MYNN: variants seen among roughly 807,000 people sequenced by gnomAD.
MYNN encodes myoneurin.
MYNN carries 22 observed loss-of-function variants against 57.2 expected under a neutral mutation model. That is an observed-to-expected ratio of 0.38 (90% confidence interval 0.27 to 0.55). The LOEUF is 0.55. MYNN is among the 20% of genes least tolerant of loss of function. The pLI, the probability that MYNN is intolerant of heterozygous loss-of-function variation, is 0.71. For synonymous variants in MYNN, 241 were observed against 257.1 expected (o/e 0.94, Z 0.60); for missense variants, 566 against 723.1 (o/e 0.78, Z 2.49).
At chr3:169,773,542 T>C (rs948941335) in intron 1 of MYNN, 80 bp downstream of exon 1, 1 of 152,664 alleles carries the variant, frequency 6.6e-6, no homozygotes, top group East Asian at 1.9e-4. Context: ...TCCTTGGAGT[T>C]CCAGCACGGG....
chr3:169,786,729 T>G lies in MYNN; in HGVS notation c.*51T>G. The stretch of plus-strand genomic sequence containing the variant: ...AGATATCATTGGTAGCAAACATCTC[T>G]GGTAAGGTGCATATATTCATATTAA... On this transcript the variant is annotated 3_prime_UTR_variant, in exon 8 of 8. Coordinates refer to ENST00000349841, the MANE Select transcript of MYNN (RefSeq NM_018657.5). 1.1e-5 allele frequency: 17 copies of G among 1,542,526 alleles called. No homozygotes were observed. The highest frequency in any genetic ancestry group is 1.4e-5 in the Non-Finnish European group (16 of 1,124,248).
Position 169,789,340 on chromosome 3 carries a change from G to T in MYNN, c.*2662G>T, listed in dbSNP as rs1778759934. On this transcript the variant is annotated 3_prime_UTR_variant, in exon 8 of 8. Coordinates refer to ENST00000349841, the MANE Select transcript of MYNN (RefSeq NM_018657.5). ...TGTGAGTAGTTGAAATAATGTACAT[G>T]TACTAGTTTTTTTAAGTATTCTAAA... The T allele has an allele frequency of 6.6e-6, 1 of 152,096 alleles. No homozygotes were observed. Among genetic ancestry groups the T allele is most frequent in the Non-Finnish European group, 1.5e-5 (1 of 68,000 alleles). The allele number at this position is 152,096 out of a possible 1,614,324, so 9.4% of individuals were successfully genotyped here. A position where few individuals can be genotyped will look rare whatever the true frequency, so the allele number is the denominator to read the frequency against.
chr3:169,780,678 A>G lies in MYNN; in HGVS notation c.1149A>G (p.Glu383=). The change falls in exon 4 of 8, where the codon GAA becomes GAG. Residue 383 remains glutamate, a synonymous_variant. Transcript: ENST00000349841. The stretch of plus-strand genomic sequence containing the variant: ...TCCATAGTCGCATGCATCATGGTGA[A>G]GAAAAACCCTATAAATGTGATGTAT... ...LVFHSRMHHG[E]EKPYKCDVCN... The G allele has an allele frequency of 1.2e-6, 2 of 1,613,114 alleles. No individual in the cohort carries two copies. Among genetic ancestry groups the G allele is most frequent in the Non-Finnish European group, 1.7e-6 (2 of 1,179,716 alleles).
At chr3:169,785,890 C>T (rs766737050) in intron 7 of MYNN, among the ~76,000 whole-genome samples, 1 of 152,004 alleles carries the variant, frequency 6.6e-6, no homozygotes, top group Non-Finnish European at 1.5e-5. Flanking sequence ...GAATTTCTCA[C>T]CTCTGAAAAT....
intron 6 of MYNN, 60 bp from the exon 7 acceptor site, chr3:169,784,562 T>G: frequency 8.8e-7 from 1 of 1,136,552 alleles, no homozygotes; most frequent in Admixed American, 2.4e-5. Context: ...ACATTGATAT[T>G]TTTGTCTTAG....
intron 2 of MYNN, among the ~76,000 whole-genome samples, chr3:169,774,906 T>G (rs1577392280): frequency 1.3e-5 from 2 of 152,258 alleles, no homozygotes; most frequent in Non-Finnish European, 2.9e-5. Flanking sequence ...TGGGGCAATC[T>G]CGGCTCACTG....
Position 169,779,759 on chromosome 3 carries a change from T to G in MYNN, c.1060+198T>G, listed in dbSNP as rs1026079144. On this transcript the variant is annotated intron_variant, in intron 3 of 7. Transcript: ENST00000349841. ...TATTTAATGGCTGTTTAAGCCCTAA[T>G]GCATCAACTCCTTATACCATTTTCC... 5.1e-6 allele frequency: 3 copies of G among 582,836 alleles called. No individual in the cohort carries two copies. The East Asian group carries it at 8.5e-5, about 16-fold the overall frequency. The allele number at this position is 582,836 out of a possible 1,614,324, so 36.1% of individuals were successfully genotyped here.
intron 2 of MYNN, among the ~76,000 whole-genome samples, chr3:169,775,154 A>G (rs955824724): frequency 6.6e-6 from 1 of 152,114 alleles, no homozygotes; most frequent in African/African-American, 2.4e-5. Flanking sequence ...TGTTATCTCT[A>G]TTAACCTACC....
intron 4 of MYNN, among the ~76,000 whole-genome samples, chr3:169,781,715 T>C (rs772045879): frequency 6.6e-6 from 1 of 152,056 alleles, no homozygotes; most frequent in South Asian, 2.1e-4. Flanking sequence ...AATTCTGTGA[T>C]AGGGAGATGA....
At position 169,786,541 on chromosome 3, in the gene MYNN, C is replaced by A. The variant is rs755298260; in HGVS notation, c.1696C>A (p.Leu566Ile). The change falls in exon 8 of 8, where the codon CTT becomes ATT. Residue 566 changes from leucine to isoleucine, a missense_variant. This residue lies in a region of MYNN where 156 missense variants were observed against 163.9 expected (regional missense o/e 0.95). Transcript: ENST00000349841. ...TTCTGATATGACTTTACCATTAGCTCTTCCACTTGGGACTGAGGACCATCA... is the reference window on the plus strand; with the variant it reads ...TTCTGATATGACTTTACCATTAGCTATTCCACTTGGGACTGAGGACCATCA... ...KPSDMTLPLA[L>I]PLGTEDHHML... is the part of the protein sequence containing the mutation. The A allele has an allele frequency of 5.6e-6, 9 of 1,613,602 alleles. No homozygotes were observed. In the African/African-American group the frequency reaches 1.2e-4, roughly 22 times the overall value.
At chr3:169,777,670 A>G (rs1778388601) in intron 2 of MYNN, 1 of 152,214 alleles carries the variant, frequency 6.6e-6, no homozygotes, top group South Asian at 2.1e-4. Flanking sequence ...CTTTCACCAC[A>G]TTGTGAACTT....
At position 169,782,831 on chromosome 3, in the gene MYNN, C is replaced by T. The variant is rs1472511781; in HGVS notation, c.1399+188C>T. On this transcript the variant is annotated intron_variant, in intron 5 of 7. Coordinates refer to ENST00000349841, the MANE Select transcript of MYNN (RefSeq NM_018657.5). The surrounding 1 kb of genome is among the most constrained non-coding windows in gnomAD (Gnocchi z 4.8). ...AGCTGACTTATTTTCTAGAATAATA[C>T]AAGGTGGGTGAAATAAATTATATAA... Among the ~76,000 whole-genome samples the T allele has an allele frequency of 6.6e-6, 1 of 152,104 alleles. No individual in the cohort carries two copies. Among genetic ancestry groups the T allele is most frequent in the Non-Finnish European group, 1.5e-5 (1 of 68,000 alleles).
chr3:169,788,702 T>C lies in MYNN; in HGVS notation c.*2024T>C, dbSNP rs948797764. 2 of 152,112 alleles carry C rather than the reference T, an allele frequency of 1.3e-5. No homozygotes were observed. The highest frequency in any genetic ancestry group is 2.9e-5 in the Non-Finnish European group (2 of 67,996). 9.4% of individuals were successfully genotyped at this position (152,112 alleles called of 1,614,324 possible). A position where few individuals can be genotyped will look rare whatever the true frequency, so the allele number is the denominator to read the frequency against. On this transcript the variant is annotated 3_prime_UTR_variant, in exon 8 of 8. Coordinates refer to ENST00000349841, the MANE Select transcript of MYNN (RefSeq NM_018657.5). ...TTTGATACGATTGAAGTGGCTAAGA[T>C]TGATTGAGCTTTTCTTGATCACATT...
Position 169,786,431 on chromosome 3 carries a change from T to C in MYNN, c.1586T>C (p.Leu529Pro), listed in dbSNP as rs201069814. 3.1e-6 allele frequency: 5 copies of C among 1,612,324 alleles called. No homozygotes were observed. Among genetic ancestry groups the C allele is most frequent in the Admixed American group, 1.7e-5 (1 of 59,898 alleles). ...TCCATTCTAGGTGCAGATAAAACTC[T>C]AGACTCCAGTGCAGAGGATCATACT... Reference protein sequence around the residue: ...TKVHSGADKTLDSSAEDHTLS... With the variant: ...TKVHSGADKTPDSSAEDHTLS... The change falls in exon 8 of 8, where the codon CTA becomes CCA. Residue 529 changes from leucine to proline, a missense_variant. Transcript: ENST00000349841.
intron 3 of MYNN, 78 bp from the exon 4 acceptor site, chr3:169,780,512 A>C: frequency 1.0e-6 from 1 of 1,001,592 alleles, no homozygotes; most frequent in South Asian, 1.8e-5. Flanking sequence ...CAAAGCTAGT[A>C]CTGTTGATGA....
At chr3:169,776,018 A>G (rs547657087) in intron 2 of MYNN, among the ~76,000 whole-genome samples, 1 of 152,188 alleles carries the variant, frequency 6.6e-6, no homozygotes. Context: ...TGAAATCTTC[A>G]AGTGAGTTCT....
rs1778267211 is a variant in MYNN, at chr3:169,774,471, A to T, written c.176A>T (p.Asn59Ile). Residue 59 changes from asparagine (N) to isoleucine (I), a missense_variant, in exon 2 of 8, where the codon AAC becomes ATC. Asn to Ile is a moderately radical substitution (Grantham distance 149). Transcript: ENST00000349841. ...FGAIYRSTSE[N>I]NVFLDQSQVK... ...GCGATCTACAGAAGCACTTCTGAGA[A>T]CAATGTCTTTCTTGATCAGAGTCAG... is the stretch of plus-strand genomic sequence containing the variant. 1 of 1,613,974 alleles carries T rather than the reference A, an allele frequency of 6.2e-7. No individual in the cohort carries two copies.
chr3:169,783,369 A>G (rs1175523051), intron 5 of MYNN, 108 bp from the exon 6 acceptor site: 6 of 654,062 alleles, frequency 9.2e-6, no homozygotes, highest in Non-Finnish European at 1.6e-5. Context: ...ATATAGAGAG[A>G]TTTTAATTTA....
chr3:169,781,041 G>A (rs1315477774), intron 4 of MYNN, among the ~76,000 whole-genome samples: 1 of 152,166 alleles, frequency 6.6e-6, no homozygotes. Flanking sequence ...GTGGAATCAG[G>A]GTAAACAGGA....
Sources: allele counts gnomAD v4.1 joint callset (sites outside exome capture counted in the v4.1 genomes callset), GRCh38; gene constraint gnomAD v4.1.1; regional missense constraint gnomAD v4.1.1; non-coding constraint Gnocchi (gnomAD v3.1); transcripts MANE v1.5; gene names NCBI Gene and HGNC (gene_info 2026-07-23, HGNC 2026-07-21).